Variants in DEFB124 observed in about 807,000 individuals in gnomAD.
DEFB124 encodes the protein defensin beta 124.
For missense variants in DEFB124, 78 were observed against 83.1 expected, an observed-to-expected ratio of 0.94 and a Z score of 0.24; for synonymous variants, 38 against 36.5, an observed-to-expected ratio of 1.04 and a Z score of -0.15.
chr20:31,470,430 C>T (rs1334460664), intron 2 of DEFB124, among the ~76,000 whole-genome samples: 6 of 136,526 alleles, frequency 4.4e-5, no homozygotes, highest in Non-Finnish European at 9.6e-5. Flanking sequence ...GGGCGGGGGG[C>T]TGAGCCCCCC....
intron 2 of DEFB124, among the ~76,000 whole-genome samples, chr20:31,470,181 C>A (rs748171590): frequency 7.0e-6 from 1 of 143,440 alleles, no homozygotes; most frequent in African/African-American, 2.7e-5. Flanking sequence ...ACCTCCCGGA[C>A]GGGGCGGCTG....
intron 1 of DEFB124, among the ~76,000 whole-genome samples, 182 bp from the exon 2 acceptor site, chr20:31,473,220 C>T (rs940793517): frequency 2.0e-5 from 3 of 152,150 alleles, no homozygotes; most frequent in Non-Finnish European, 4.4e-5. Context: ...GTCAGCCACA[C>T]CCTCCGGAGC....
At chr20:31,472,330 T>G (rs1247160868) in intron 2 of DEFB124, among the ~76,000 whole-genome samples, 1 of 151,356 alleles carries the variant, frequency 6.6e-6, no homozygotes, top group African/African-American at 2.4e-5. Flanking sequence ...GCGGGGAGGT[T>G]GCAGTGAGCC....
chr20:31,467,079 T>G (rs1164443533), intron 2 of DEFB124, among the ~76,000 whole-genome samples: 1 of 152,166 alleles, frequency 6.6e-6, no homozygotes, highest in Non-Finnish European at 1.5e-5. Context: ...GAGGGGAGAC[T>G]AGGACCACAT....
chr20:31,471,050 G>T (rs1298870472), intron 2 of DEFB124, among the ~76,000 whole-genome samples: 3 of 138,888 alleles, frequency 2.2e-5, no homozygotes, highest in East Asian at 2.3e-4. Context: ...GGCCGGGCGG[G>T]GGGCTGACCC....
intron 1 of DEFB124, among the ~76,000 whole-genome samples, 185 bp from the exon 2 acceptor site, chr20:31,473,223 T>C (rs537860544): frequency 6.6e-6 from 1 of 152,118 alleles, no homozygotes; most frequent in Non-Finnish European, 1.5e-5. Context: ...AGCCACACCC[T>C]CCGGAGCCTG....
At chr20:31,473,062 A>ACCCGAGCAGGCTGAGC in intron 1 of DEFB124, 24 bp from the exon 2 acceptor site, 1 of 1,604,882 alleles carries the variant, frequency 6.2e-7, no homozygotes, top group Non-Finnish European at 8.5e-7. Flanking sequence ...AAGAGGAAAG[A>ACCCGAGCAGGCTGAGC]CCCGAGCAGG....
intron 1 of DEFB124, among the ~76,000 whole-genome samples, chr20:31,473,483 C>T (rs1262256506): frequency 6.6e-6 from 1 of 152,132 alleles, no homozygotes; most frequent in Admixed American, 6.6e-5. Flanking sequence ...TGCAGGCCTA[C>T]TCTAAAATGG....
intron 2 of DEFB124, among the ~76,000 whole-genome samples, chr20:31,470,788 G>A (rs1459663425): frequency 5.4e-4 from 59 of 108,940 alleles, no homozygotes; most frequent in South Asian, 1.5e-3. Context: ...GCTGGGCAGA[G>A]GCGCCCCTCA....
At chr20:31,470,606 ACCCC>A (rs746201611) in intron 2 of DEFB124, among the ~76,000 whole-genome samples, 68 of 24,246 alleles carry the variant, frequency 2.8e-3, no homozygotes, top group South Asian at 3.8e-3. Context: ...CGGGGGGCTG[ACCCC>A]CCCCCCCACC....
At chr20:31,471,051 G>A (rs1288996679) in intron 2 of DEFB124, among the ~76,000 whole-genome samples, 4 of 138,092 alleles carry the variant, frequency 2.9e-5, no homozygotes, top group East Asian at 2.3e-4. Flanking sequence ...GCCGGGCGGG[G>A]GGCTGACCCC....
At chr20:31,470,582 G>C (rs1980229765) in intron 2 of DEFB124, among the ~76,000 whole-genome samples, 1 of 131,902 alleles carries the variant, frequency 7.6e-6, no homozygotes, top group Non-Finnish European at 1.6e-5. Context: ...TCCCGGACGG[G>C]GCGGCTGGCC....
chr20:31,468,201 G>C (rs1980129737), intron 2 of DEFB124, among the ~76,000 whole-genome samples: 1 of 152,102 alleles, frequency 6.6e-6, no homozygotes, highest in African/African-American at 2.4e-5. Context: ...CCCCCCGCTA[G>C]CCACACCAAC....
chr20:31,470,259 C>G (rs1202289104), intron 2 of DEFB124, among the ~76,000 whole-genome samples: 9 of 124,154 alleles, frequency 7.2e-5, no homozygotes, highest in African/African-American at 2.5e-4. Flanking sequence ...GGGGGCTGAC[C>G]CCCCCACCTC....
rs1980062527 is a variant in DEFB124, at chr20:31,465,584, G to A, written c.138C>T (p.His46=). Residue 46 remains histidine, a synonymous_variant, in exon 3 of 3, where the codon CAC becomes CAT. Transcript: ENST00000317676. ...TYCTRQETYM[H]LCPDASLCCL... is the part of the protein sequence containing the mutation. ...AGCACAGGGACGCATCCGGGCACAG[G>A]TGCATGTAAGTTTCTTGCCTTGTGC... 2 of 1,614,206 alleles carry A rather than the reference G, an allele frequency of 1.2e-6. No homozygotes were observed. The highest frequency in any genetic ancestry group is 1.7e-6 in the Non-Finnish European group (2 of 1,180,040).
chr20:31,470,433 AGCC>A (rs1980220702), intron 2 of DEFB124, among the ~76,000 whole-genome samples: 1 of 124,034 alleles, frequency 8.1e-6, no homozygotes, highest in Admixed American at 8.0e-5. Flanking sequence ...CGGGGGGCTG[AGCC>A]CCCCACCTCC....
chr20:31,472,209 C>T (rs1363174827), intron 2 of DEFB124, among the ~76,000 whole-genome samples: 1 of 152,282 alleles, frequency 6.6e-6, no homozygotes, highest in African/African-American at 2.4e-5. Flanking sequence ...GAGACCAGCC[C>T]GGCCAACACA....
chr20:31,473,508 C>T (rs563774592), intron 1 of DEFB124, among the ~76,000 whole-genome samples: 1 of 152,154 alleles, frequency 6.6e-6, no homozygotes, highest in South Asian at 2.1e-4. Context: ...AGTAATAGTA[C>T]CCATGTCATA....
chr20:31,465,633 C>A lies in DEFB124; in HGVS notation c.89G>T (p.Gly30Val). 1 of 1,614,040 alleles carries A rather than the reference C, an allele frequency of 6.2e-7. No individual in the cohort carries two copies. Among genetic ancestry groups the A allele is most frequent in the South Asian group, 1.1e-5 (1 of 91,076 alleles). Reference sequence around the variant, plus strand: ...GCAGTAAGTTTGGCAGGCCCCTTGACCCTTCCAGCACCGTTTGAATTCACT... The same window carrying A: ...GCAGTAAGTTTGGCAGGCCCCTTGAACCTTCCAGCACCGTTTGAATTCACT... The part of the protein sequence containing the change: ...GRSEFKRCWK[G>V]QGACQTYCTR... The change falls in exon 3 of 3, where the codon GGT becomes GTT. Residue 30 changes from glycine to valine, a missense_variant. Physicochemically the swap from Gly to Val is moderately radical, Grantham distance 109. Coordinates refer to ENST00000317676, the MANE Select transcript of DEFB124 (RefSeq NM_001037500.2).
Sources: allele counts gnomAD v4.1 joint callset (sites outside exome capture counted in the v4.1 genomes callset), GRCh38; gene constraint gnomAD v4.1.1; transcripts MANE v1.5; gene names NCBI Gene and HGNC (gene_info 2026-07-23, HGNC 2026-07-21).